Variants in CADPS2 observed in about 807,000 individuals in gnomAD.
CADPS2 encodes calcium-dependent secretion activator 2.
In CADPS2, 93 loss-of-function variants were observed where a neutral mutation model predicts 172.5. That is an observed-to-expected ratio of 0.54 (90% CI 0.46 to 0.64). The LOEUF is 0.64. CADPS2 is among the 30% of genes least tolerant of loss of function. The pLI is 0.00. For missense variants in CADPS2, 1,420 were observed against 1,565.9 expected (o/e 0.91, Z 1.57); for synonymous variants, 546 against 555.2 (o/e 0.98, Z 0.23).
chr7:122,571,980 C>A (rs548826691), intron 7 of CADPS2, among the ~76,000 whole-genome samples: 1 of 152,028 alleles, frequency 6.6e-6, no homozygotes, highest in South Asian at 2.1e-4. Flanking sequence ...TAGGCCTTTC[C>A]TTAACTCTCA....
intron 1 of CADPS2, among the ~76,000 whole-genome samples, chr7:122,747,614 T>A (rs1353560841): frequency 3.3e-5 from 5 of 152,146 alleles, no homozygotes; most frequent in Admixed American, 6.6e-5. Context: ...GGGTTCAATG[T>A]TTTTTTCCAA....
intron 11 of CADPS2, among the ~76,000 whole-genome samples, chr7:122,484,681 T>C (rs754506653): frequency 2.0e-5 from 3 of 148,514 alleles, no homozygotes; most frequent in Non-Finnish European, 3.0e-5. Flanking sequence ...TTTTTTTTTC[T>C]GAAAGTCACT....
At chr7:122,442,144 T>C (rs990993189) in intron 15 of CADPS2, among the ~76,000 whole-genome samples, 7 of 152,208 alleles carry the variant, frequency 4.6e-5, no homozygotes, top group African/African-American at 1.7e-4. Flanking sequence ...ATATTCCTAC[T>C]GCACACCAAC....
intron 7 of CADPS2, among the ~76,000 whole-genome samples, chr7:122,580,283 C>T (rs2132824514): frequency 6.6e-6 from 1 of 151,842 alleles, no homozygotes; most frequent in Admixed American, 6.6e-5. Flanking sequence ...GGTGAAACCC[C>T]ATCTCTACTA....
At chr7:122,514,232 A>G (rs947322609) in intron 8 of CADPS2, among the ~76,000 whole-genome samples, 7 of 151,220 alleles carry the variant, frequency 4.6e-5, no homozygotes, top group African/African-American at 1.7e-4. Flanking sequence ...TTAAGACTAA[A>G]GAAAGATTTT....
At chr7:122,781,200 A>C (rs1230254147) in intron 1 of CADPS2, among the ~76,000 whole-genome samples, 1 of 152,108 alleles carries the variant, frequency 6.6e-6, no homozygotes, top group Non-Finnish European at 1.5e-5. Context: ...TTGTCCTTTG[A>C]ACTATTTTTG....
intron 1 of CADPS2, among the ~76,000 whole-genome samples, chr7:122,763,838 C>A (rs546282895): frequency 6.6e-6 from 1 of 152,074 alleles, no homozygotes; most frequent in Non-Finnish European, 1.5e-5. Context: ...CAGATGAGAT[C>A]GGGCGCATTC....
chr7:122,676,716 G>C (rs1293185880), intron 2 of CADPS2: 1 of 1,574,774 alleles, frequency 6.4e-7, no homozygotes, highest in South Asian at 1.2e-5. Flanking sequence ...TGTACAGGAA[G>C]GACATGGGGC....
Position 122,629,361 on chromosome 7 carries a change from ATTAC to A in CADPS2, c.787-37_787-34del, listed in dbSNP as rs533140580. 4.9e-4 allele frequency: 757 copies of A among 1,552,236 alleles called. 3 individuals are homozygous for A. In the African/African-American group the frequency reaches 8.7e-3, roughly 18 times the overall value. ...ATAAAACAGAAGTTACACATATGTA[ATTAC>A]TTAATCTATATACAGTGACCCACAG... On this transcript the variant is annotated intron_variant, in intron 3 of 29. Coordinates refer to ENST00000449022, the MANE Select transcript of CADPS2 (RefSeq NM_017954.11).
At chr7:122,645,443 A>ATTTAG (rs1563949421) in intron 3 of CADPS2, among the ~76,000 whole-genome samples, 4 of 97,332 alleles carry the variant, frequency 4.1e-5, no homozygotes, top group Non-Finnish European at 2.3e-5. Flanking sequence ...ATGTATATAT[A>ATTTAG]CACACACATA....
chr7:122,625,484 C>T (rs1007970194), intron 4 of CADPS2, among the ~76,000 whole-genome samples: 1 of 152,184 alleles, frequency 6.6e-6, no homozygotes, highest in African/African-American at 2.4e-5. Flanking sequence ...TAAATCGGAT[C>T]ACCCTCCTAC....
chr7:122,485,771 T>C (rs1045747692), intron 11 of CADPS2, among the ~76,000 whole-genome samples: 2 of 152,202 alleles, frequency 1.3e-5, no homozygotes, highest in Non-Finnish European at 2.9e-5. Flanking sequence ...ACTTTCGCAG[T>C]TAGAGAGAAG....
intron 3 of CADPS2, among the ~76,000 whole-genome samples, chr7:122,642,971 A>G (rs1450616717): frequency 1.3e-5 from 2 of 152,188 alleles, no homozygotes; most frequent in Non-Finnish European, 2.9e-5. Context: ...TTGTGAAAAT[A>G]TAAGTAGATT....
chr7:122,481,189 G>A (rs559005623), intron 11 of CADPS2, among the ~76,000 whole-genome samples: 5 of 129,662 alleles, frequency 3.9e-5, no homozygotes, highest in South Asian at 2.4e-4. Context: ...TTTTTTTGAC[G>A]GAGTCTTGCT....
chr7:122,614,099 T>C (rs914154814), intron 6 of CADPS2, among the ~76,000 whole-genome samples: 1 of 151,758 alleles, frequency 6.6e-6, no homozygotes, highest in Non-Finnish European at 1.5e-5. Context: ...AGTGCGACAC[T>C]GAGAATGGGT....
In CADPS2 at chr7:122,513,309, C is replaced by T; in HGVS notation, c.1482G>A (p.Leu494=). 1 of 1,557,792 alleles carries T rather than the reference C, an allele frequency of 6.4e-7. No individual in the cohort carries two copies. Among genetic ancestry groups the T allele is most frequent in the Admixed American group, 1.9e-5 (1 of 52,010 alleles). ...KPAHMKHSGY[L]YALGQKVWKR... is the part of the protein sequence containing the mutation. The stretch of plus-strand genomic sequence containing the variant: ...TCCAAACCTTCTGTCCAAGGGCATA[C>T]AGATATCTGGAAAGAAAAACAAAAG... Residue 494 remains leucine, a synonymous_variant, in exon 9 of 30, where the codon CTG becomes CTA. Transcript: ENST00000449022.
At chr7:122,360,739 T>C (rs1217443927) in intron 27 of CADPS2, 49 bp downstream of exon 27, 2 of 1,509,812 alleles carry the variant, frequency 1.3e-6, no homozygotes, top group Non-Finnish European at 8.9e-7. Context: ...CTGCAATTTT[T>C]TTTTAAAGAA....
Position 122,375,845 on chromosome 7 carries a change from G to A in CADPS2, c.3387+3523C>T, listed in dbSNP as rs372748896. Among the ~76,000 whole-genome samples, 322 of 150,760 alleles carry A rather than the reference G, an allele frequency of 2.1e-3. 1 individual carries two copies. Among genetic ancestry groups the A allele is most frequent in the Middle Eastern group, 0.017 (5 of 294 alleles). On this transcript the variant is annotated intron_variant, in intron 25 of 29. Transcript: ENST00000449022. The stretch of plus-strand genomic sequence containing the variant: ...GGCAACCTACAAAATGGGAGGAAAT[G>A]TTTACAAACTATTTGTCTGATAAGG...
chr7:122,788,234 A>G (rs1030089429), intron 1 of CADPS2, among the ~76,000 whole-genome samples: 2 of 152,196 alleles, frequency 1.3e-5, no homozygotes, highest in Admixed American at 1.3e-4. Context: ...TCACTGGGAA[A>G]CTTTGTGCTC....
Sources: gnomAD v4.1 joint callset for allele counts (sites outside exome capture counted in the v4.1 genomes callset) on GRCh38, gnomAD v4.1.1 for gene constraint, MANE v1.5 for transcripts, NCBI Gene and HGNC (gene_info 2026-07-23, HGNC 2026-07-21) for gene names.